ANXA10: variants seen among roughly 807,000 people sequenced by gnomAD.
ANXA10 encodes annexin A10, also known as annexin 14.
ANXA10 carries 49 observed loss-of-function variants against 53.5 expected under a neutral mutation model. That is an observed-to-expected ratio of 0.92 (90% CI 0.73 to 1.16). ANXA10 has a LOEUF of 1.16. ANXA10 is among the 50% of genes most tolerant of loss of function. The probability of loss-of-function intolerance (pLI) is 0.00; values close to 1 mark genes in which losing one functional copy is unlikely to be tolerated. For synonymous variants in ANXA10, 131 were observed against 128.9 expected (o/e 1.02, Z -0.11); for missense variants, 393 against 394.4 (o/e 1.00, Z 0.03).
At chr4:168,111,346 C>A (rs1481054672) in intron 1 of ANXA10, among the ~76,000 whole-genome samples, 1 of 152,032 alleles carries the variant, frequency 6.6e-6, no homozygotes, top group Non-Finnish European at 1.5e-5. Flanking sequence ...TATGTTTTAT[C>A]CTTTCTAGAT....
At chr4:168,133,757 T>A (rs1331181845) in intron 2 of ANXA10, among the ~76,000 whole-genome samples, 1 of 152,108 alleles carries the variant, frequency 6.6e-6, no homozygotes, top group Non-Finnish European at 1.5e-5. Context: ...AATAGTTCAG[T>A]ATTTACTAAT....
intron 3 of ANXA10, among the ~76,000 whole-genome samples, chr4:168,160,160 TAG>T (rs1479150708): frequency 6.6e-6 from 1 of 152,130 alleles, no homozygotes; most frequent in African/African-American, 2.4e-5. Context: ...ACCTATAACC[TAG>T]ATATTAAGCC....
At chr4:168,093,146 A>T (rs907061146) in intron 1 of ANXA10, among the ~76,000 whole-genome samples, 1 of 152,172 alleles carries the variant, frequency 6.6e-6, no homozygotes, top group African/African-American at 2.4e-5. Context: ...TTCATATGTA[A>T]TTTGATTCAG....
At chr4:168,132,007 C>A (rs1382634430) in intron 2 of ANXA10, among the ~76,000 whole-genome samples, 1 of 151,874 alleles carries the variant, frequency 6.6e-6, no homozygotes, top group Non-Finnish European at 1.5e-5. Context: ...AAAAGAGTAC[C>A]CTTGTACATT....
At chr4:168,181,467 A>T (rs1308397555) in intron 9 of ANXA10, among the ~76,000 whole-genome samples, 1 of 151,912 alleles carries the variant, frequency 6.6e-6, no homozygotes, top group Non-Finnish European at 1.5e-5. Flanking sequence ...GTTCCAACAG[A>T]TAGAAATAGA....
chr4:168,093,370 C>G (rs1331355808), intron 1 of ANXA10, among the ~76,000 whole-genome samples: 5 of 152,018 alleles, frequency 3.3e-5, no homozygotes, highest in Admixed American at 1.3e-4. Context: ...TCCAACTGCT[C>G]TAATAGTCAT....
At chr4:168,126,990 G>A (rs551059290) in intron 1 of ANXA10, among the ~76,000 whole-genome samples, 2 of 152,192 alleles carry the variant, frequency 1.3e-5, no homozygotes, top group East Asian at 3.9e-4. Context: ...GTCCAGTCCT[G>A]TTCTCATTAA....
At chr4:168,127,168 G>T (rs1012151549) in intron 1 of ANXA10, among the ~76,000 whole-genome samples, 5 of 152,168 alleles carry the variant, frequency 3.3e-5, no homozygotes, top group Non-Finnish European at 5.9e-5. Flanking sequence ...TGCTGAGTGT[G>T]ATTATATGGT....
chr4:168,122,122 G>A (rs184490221), intron 1 of ANXA10, among the ~76,000 whole-genome samples: 1 of 152,154 alleles, frequency 6.6e-6, no homozygotes, highest in Non-Finnish European at 1.5e-5. Context: ...TTACTGGCGT[G>A]AGCCACCGCC....
intron 2 of ANXA10, among the ~76,000 whole-genome samples, chr4:168,134,287 T>G (rs994472689): frequency 6.6e-6 from 1 of 152,130 alleles, no homozygotes; most frequent in African/African-American, 2.4e-5. Context: ...AGAAATATCA[T>G]GTAAGTGACA....
At chr4:168,129,948 G>T (rs1364657746) in intron 2 of ANXA10, among the ~76,000 whole-genome samples, 1 of 152,070 alleles carries the variant, frequency 6.6e-6, no homozygotes, top group East Asian at 1.9e-4. Flanking sequence ...TGAGATCCTG[G>T]ACAACCGAAG....
In ANXA10 at chr4:168,112,796, G is replaced by A. The variant is rs189921550; in HGVS notation, c.19-15288G>A. On this transcript the variant is annotated intron_variant, in intron 1 of 11. Transcript: ENST00000359299. ...AGCATTTTGCAAGGCCAGGGTGGGCGGATCATTTGAAGTCAGGAGTTCAAG... is the reference window on the plus strand; with the variant it reads ...AGCATTTTGCAAGGCCAGGGTGGGCAGATCATTTGAAGTCAGGAGTTCAAG... Among the ~76,000 whole-genome samples, 416 of 152,190 alleles carry A rather than the reference G, an allele frequency of 2.7e-3. 2 individuals are homozygous for A. Among genetic ancestry groups the A allele is most frequent in the Non-Finnish European group, 4.4e-3 (297 of 68,002 alleles).
At chr4:168,143,977 C>T (rs1459738399) in intron 3 of ANXA10, among the ~76,000 whole-genome samples, 1 of 152,146 alleles carries the variant, frequency 6.6e-6, no homozygotes, top group Non-Finnish European at 1.5e-5. Context: ...GTCAAATACT[C>T]AAGAGGGCCT....
At chr4:168,172,212 A>G (rs189332722) in intron 6 of ANXA10, among the ~76,000 whole-genome samples, 1 of 152,334 alleles carries the variant, frequency 6.6e-6, no homozygotes, top group East Asian at 1.9e-4. Flanking sequence ...GTCAAAGCCA[A>G]ATCACAATCT....
At chr4:168,093,075 A>G (rs186146976) in intron 1 of ANXA10, among the ~76,000 whole-genome samples, 18 of 152,260 alleles carry the variant, frequency 1.2e-4, no homozygotes, top group African/African-American at 4.3e-4. Flanking sequence ...AGTTAATATT[A>G]TGAAATCTTA....
At chr4:168,093,477 T>C (rs1414365611) in intron 1 of ANXA10, among the ~76,000 whole-genome samples, 1 of 152,154 alleles carries the variant, frequency 6.6e-6, no homozygotes, top group Non-Finnish European at 1.5e-5. Context: ...TATATACAAA[T>C]GTGAATTTAT....
At chr4:168,186,776 T>C (rs1168857906) in intron 11 of ANXA10, among the ~76,000 whole-genome samples, 1 of 152,206 alleles carries the variant, frequency 6.6e-6, no homozygotes, top group Non-Finnish European at 1.5e-5. Context: ...AAGAGTATTT[T>C]TATTGAATCA....
intron 8 of ANXA10, 173 bp downstream of exon 8, chr4:168,178,156 T>A: frequency 1.7e-6 from 1 of 589,604 alleles, no homozygotes; most frequent in Non-Finnish European, 3.0e-6. Context: ...ATGACATTAC[T>A]AAGGAATAAA....
At chr4:168,124,162 A>ATGTTGGGAG (rs2149468964) in intron 1 of ANXA10, among the ~76,000 whole-genome samples, 1 of 152,356 alleles carries the variant, frequency 6.6e-6, no homozygotes, top group East Asian at 1.9e-4. Context: ...AGAGGGCACC[A>ATGTTGGGAG]TGTTGGGAGT....
Sources: allele counts gnomAD v4.1 joint callset (sites outside exome capture counted in the v4.1 genomes callset), GRCh38; gene constraint gnomAD v4.1.1; transcripts MANE v1.5; gene names NCBI Gene and HGNC (gene_info 2026-07-23, HGNC 2026-07-21).